Variants in DAAM1 observed in about 807,000 individuals in gnomAD.
DAAM1 encodes dishevelled associated activator of morphogenesis 1.
Under a neutral mutation model 130.0 loss-of-function variants are expected in DAAM1, and 52 were observed. That is an observed-to-expected ratio of 0.40 (90% CI 0.32 to 0.50). The LOEUF is 0.50. Among genes scored for constraint, DAAM1 ranks in the 20% least tolerant of loss-of-function variants. The probability of loss-of-function intolerance (pLI) is 0.61; values close to 1 mark genes in which losing one functional copy is unlikely to be tolerated. For synonymous variants in DAAM1, 452 were observed against 444.5 expected, an observed-to-expected ratio of 1.02 and a Z score of -0.21; for missense variants, 1,134 against 1,303.8, an observed-to-expected ratio of 0.87 and a Z score of 2.01.
intron 1 of DAAM1, among the ~76,000 whole-genome samples, chr14:59,192,388 A>G (rs1474213264): frequency 6.6e-6 from 1 of 152,212 alleles, no homozygotes; most frequent in Non-Finnish European, 1.5e-5. Context: ...CAGAGGAAAC[A>G]TGCTTTTCCA....
At chr14:59,367,695 A>G in intron 24 of DAAM1, 96 bp downstream of exon 24, 1 of 1,449,140 alleles carries the variant, frequency 6.9e-7, no homozygotes, top group Non-Finnish European at 9.1e-7. Flanking sequence ...CCTGGCAGGA[A>G]GGAAGGCTTC....
At chr14:59,302,547 A>G (rs945302175) in intron 3 of DAAM1, among the ~76,000 whole-genome samples, 5 of 152,198 alleles carry the variant, frequency 3.3e-5, no homozygotes, top group African/African-American at 1.2e-4. Flanking sequence ...CTTGGCTCCA[A>G]TCCCTGGAGG....
At chr14:59,309,417 C>T (rs1594813508) in intron 3 of DAAM1, among the ~76,000 whole-genome samples, 1 of 152,204 alleles carries the variant, frequency 6.6e-6, no homozygotes, top group African/African-American at 2.4e-5. Context: ...ATAGCGGCAG[C>T]TTGATACATG....
chr14:59,280,980 C>T (rs1294878899), intron 2 of DAAM1, among the ~76,000 whole-genome samples: 1 of 152,116 alleles, frequency 6.6e-6, no homozygotes, highest in Non-Finnish European at 1.5e-5. Context: ...TTCCTATTAG[C>T]CCTTCAGAAT....
chr14:59,359,393 G>A lies in DAAM1; in HGVS notation c.2526-4G>A, dbSNP rs760982396. On this transcript the variant is annotated splice_region_variant and splice_polypyrimidine_tract_variant and intron_variant, in intron 20 of 24. Coordinates refer to ENST00000360909, the MANE Select transcript of DAAM1 (RefSeq NM_001270520.2). ...TTTAATACTCTTCCCTTCTTCAATTGTAGAAACATTACCCTTTTGCACTAT... is the reference window on the plus strand; with the variant it reads ...TTTAATACTCTTCCCTTCTTCAATTATAGAAACATTACCCTTTTGCACTAT... The A allele has an allele frequency of 1.3e-6, 2 of 1,598,886 alleles. No individual in the cohort carries two copies. The highest frequency in any genetic ancestry group is 2.2e-5 in the South Asian group (2 of 90,494).
chr14:59,235,783 A>G (rs1889277194), intron 1 of DAAM1, among the ~76,000 whole-genome samples: 1 of 152,168 alleles, frequency 6.6e-6, no homozygotes, highest in Admixed American at 6.6e-5. Flanking sequence ...ATTTAGTTAC[A>G]TAAATTTCCC....
At chr14:59,303,587 G>A (rs1884262436) in intron 3 of DAAM1, among the ~76,000 whole-genome samples, 1 of 152,152 alleles carries the variant, frequency 6.6e-6, no homozygotes. Flanking sequence ...AGCATTCAGA[G>A]GTTATGAATG....
At chr14:59,248,576 G>A (rs900438041) in intron 1 of DAAM1, among the ~76,000 whole-genome samples, 6 of 152,142 alleles carry the variant, frequency 3.9e-5, no homozygotes, top group African/African-American at 1.4e-4. Flanking sequence ...TTGATGATTA[G>A]CTTTGTTTAA....
chr14:59,367,933 G>A (rs1200671717), intron 24 of DAAM1, among the ~76,000 whole-genome samples: 1 of 152,024 alleles, frequency 6.6e-6, no homozygotes, highest in Admixed American at 6.6e-5. Context: ...TACCAAAAGG[G>A]GATGAGTTCT....
intron 15 of DAAM1, among the ~76,000 whole-genome samples, chr14:59,335,296 A>G (rs1197815373): frequency 1.3e-5 from 2 of 152,184 alleles, no homozygotes; most frequent in African/African-American, 2.4e-5. Context: ...GCCACATGAA[A>G]TGGGATCTAA....
chr14:59,352,410 A>G, intron 17 of DAAM1, 116 bp from the exon 18 acceptor site: 1 of 729,118 alleles, frequency 1.4e-6, no homozygotes, highest in Non-Finnish European at 2.3e-6. Context: ...AGCAGAGCTT[A>G]TACACTCAAC....
chr14:59,280,296 G>T (rs947744554), intron 2 of DAAM1, among the ~76,000 whole-genome samples: 1 of 152,070 alleles, frequency 6.6e-6, no homozygotes, highest in African/African-American at 2.4e-5. Context: ...TTGGGCATGT[G>T]CCATGGCCCA....
At position 59,369,185 on chromosome 14, in the gene DAAM1, C is replaced by G; in HGVS notation, c.*326C>G. On this transcript the variant is annotated 3_prime_UTR_variant, in exon 25 of 25. Coordinates refer to ENST00000360909, the MANE Select transcript of DAAM1 (RefSeq NM_001270520.2). ...TGACTGTTCAGAAGCACAATACTAT[C>G]TCCTGAAAGAGATAAGAGACATTCC... 5.3e-6 allele frequency: 1 copy of G among 189,672 alleles called. No individual in the cohort carries two copies. The allele number at this position is 189,672 out of a possible 1,614,324, so 11.7% of individuals were successfully genotyped here.
chr14:59,315,728 G>A (rs184886019), intron 4 of DAAM1, among the ~76,000 whole-genome samples: 6 of 152,196 alleles, frequency 3.9e-5, no homozygotes, highest in East Asian at 1.9e-4. Flanking sequence ...ATGATTAAGC[G>A]ATTTCTTTAC....
intron 2 of DAAM1, among the ~76,000 whole-genome samples, chr14:59,267,433 G>C (rs887460229): frequency 2.5e-4 from 38 of 151,926 alleles, no homozygotes; most frequent in Admixed American, 2.2e-3. Flanking sequence ...AGGGGAACCA[G>C]AATTAGTCCT....
rs559572201 is a variant in DAAM1 at position 59,359,299 on chromosome 14, G to A, written c.2526-98G>A. ...CATTATTGTGGGTTCTACCATTTGA[G>A]CATATAAATCATATGCAGATATTAA... On this transcript the variant is annotated intron_variant, in intron 20 of 24. Coordinates refer to ENST00000360909, the MANE Select transcript of DAAM1 (RefSeq NM_001270520.2). 4.4e-6 allele frequency: 4 copies of A among 911,640 alleles called. No individual in the cohort carries two copies. The East Asian group carries it at 8.1e-5, about 18-fold the overall frequency. The allele number at this position is 911,640 out of a possible 1,614,324, so 56.5% of individuals were successfully genotyped here.
intron 24 of DAAM1, 61 bp downstream of exon 24, chr14:59,367,660 C>T (rs1566513381): frequency 6.4e-7 from 1 of 1,557,746 alleles, no homozygotes; most frequent in South Asian, 1.2e-5. Context: ...GCAGCCCAGT[C>T]AAAGGTATTT....
intron 2 of DAAM1, among the ~76,000 whole-genome samples, chr14:59,269,643 A>C (rs545347289): frequency 1.3e-5 from 2 of 152,300 alleles, no homozygotes; most frequent in South Asian, 4.1e-4. Context: ...CTGGGGAAGG[A>C]GGGTGCTGTT....
chr14:59,210,949 T>G (rs1267420149), intron 1 of DAAM1, among the ~76,000 whole-genome samples: 1 of 151,562 alleles, frequency 6.6e-6, no homozygotes, highest in East Asian at 2.0e-4. Flanking sequence ...ATACATGGTG[T>G]TGTAAAACAG....
Sources: allele counts gnomAD v4.1 joint callset (sites outside exome capture counted in the v4.1 genomes callset), GRCh38; gene constraint gnomAD v4.1.1; transcripts MANE v1.5; gene names NCBI Gene and HGNC (gene_info 2026-07-23, HGNC 2026-07-21).